IFI27L2: variants seen among roughly 807,000 people sequenced by gnomAD.
IFI27L2 encodes the protein interferon alpha-inducible protein 27-like protein 2.
A neutral mutation model predicts 7.9 loss-of-function variants in IFI27L2; 8 were observed. The observed-to-expected ratio is 1.02, with a 90% CI of 0.60 to 1.84. The LOEUF (loss-of-function observed/expected upper bound fraction) is 1.84, where lower values mean the gene tolerates loss of function less well. Ranked by LOEUF, IFI27L2 falls within the 40% of genes most tolerant of loss-of-function variation. IFI27L2 has a pLI of 0.00. For synonymous variants in IFI27L2, 56 were observed against 66.5 expected, an observed-to-expected ratio of 0.84 and a Z score of 0.77; for missense variants, 190 against 165.8, an observed-to-expected ratio of 1.15 and a Z score of -0.80.
At chr14:94,129,043 C>T (rs538799685) in intron 2 of IFI27L2, 8 of 585,204 alleles carry the variant, frequency 1.4e-5, no homozygotes, top group South Asian at 4.4e-5. Flanking sequence ...CGATCTTCCT[C>T]CTATGCTTAT....
At chr14:94,129,150 G>T in intron 2 of IFI27L2, 112 bp downstream of exon 2, 2 of 797,208 alleles carry the variant, frequency 2.5e-6, no homozygotes, top group Non-Finnish European at 4.2e-6. Context: ...TACTCGGGCA[G>T]CTTCGGAAGT....
At position 94,129,534 on chromosome 14, in the gene IFI27L2, GC is replaced by G. The variant is rs781118946; in HGVS notation, c.7+23del. The G allele has an allele frequency of 4.3e-6, 7 of 1,611,348 alleles. 1 individual carries two copies. The South Asian group carries it at 7.7e-5, about 18-fold the overall frequency. On this transcript the variant is annotated intron_variant, in intron 1 of 3. Transcript: ENST00000238609. ...AGCCTGCCCCCAGCCCAGCCCGCCA[GC>G]CCCCTGGGGAAGCAAGACTCACTCA... is the stretch of plus-strand genomic sequence containing the variant.
intron 2 of IFI27L2, 186 bp from the exon 3 acceptor site, chr14:94,128,861 A>G: frequency 1.6e-6 from 1 of 607,638 alleles, no homozygotes; most frequent in Non-Finnish European, 2.9e-6. Context: ...CAAAGATGTC[A>G]TAGAAGGACC....
Position 94,129,264 on chromosome 14 carries a change from C to G in IFI27L2, c.35G>C (p.Gly12Ala). 1.2e-6 allele frequency: 2 copies of G among 1,612,938 alleles called. No individual in the cohort carries two copies. The highest frequency in any genetic ancestry group is 1.7e-6 in the Non-Finnish European group (2 of 1,179,376). The change falls in exon 2 of 4, where the codon GGA (glycine) becomes GCA (alanine). Residue 12 changes from glycine (G) to alanine (A), a missense_variant and splice_region_variant. Gly to Ala is a moderately conservative substitution (Grantham distance 60). Coordinates refer to ENST00000238609, the MANE Select transcript of IFI27L2 (RefSeq NM_032036.3). ...GACAGGCGATCCGGGTAACTTACCT[C>G]CTCCCACTGCAGCAGCAGCTGCCCG... Reference protein sequence around the residue: ...MKRAAAAAVGGALAVGAVPVV... With the variant: ...MKRAAAAAVGAALAVGAVPVV...
At chr14:94,129,450 G>A (rs1235438942) in intron 1 of IFI27L2, 108 bp downstream of exon 1, 1 of 1,206,960 alleles carries the variant, frequency 8.3e-7, no homozygotes, top group East Asian at 2.4e-5. Flanking sequence ...TAGGTCAGCT[G>A]GTTGATGAAG....
chr14:94,129,208 G>A (rs1887640518), intron 2 of IFI27L2, 54 bp downstream of exon 2: 1 of 1,485,136 alleles, frequency 6.7e-7, no homozygotes, highest in Non-Finnish European at 9.3e-7. Context: ...TCTCCCAGCA[G>A]CCCGGGGACC....
chr14:94,128,406 C>T (rs1210861956), intron 3 of IFI27L2, 108 bp downstream of exon 3: 1 of 990,796 alleles, frequency 1.0e-6, no homozygotes, highest in Non-Finnish European at 1.6e-6. Flanking sequence ...GACTGAAGAC[C>T]CAGGAAGCTG....
intron 2 of IFI27L2, 188 bp downstream of exon 2, chr14:94,129,074 G>A (rs1190135735): frequency 1.7e-6 from 1 of 599,648 alleles, no homozygotes; most frequent in Non-Finnish European, 3.0e-6. Flanking sequence ...GACTAGAAGA[G>A]AAGCTGGGTC....
chr14:94,128,929 T>C, intron 2 of IFI27L2: 1 of 586,546 alleles, frequency 1.7e-6, no homozygotes, highest in Non-Finnish European at 3.0e-6. Flanking sequence ...GTCAATACCC[T>C]TCATTGGTCT....
Position 94,129,277 on chromosome 14 carries a change from C to T in IFI27L2, c.22G>A (p.Ala8Thr). The T allele has an allele frequency of 1.2e-6, 2 of 1,612,284 alleles. No homozygotes were observed. The highest frequency in any genetic ancestry group is 2.2e-5 in the South Asian group (2 of 90,906). The change falls in exon 2 of 4, where the codon GCT becomes ACT. Residue 8 changes from alanine to threonine, a missense_variant. Ala to Thr is a moderately conservative substitution (Grantham distance 58, BLOSUM62 0). Transcript: ENST00000238609. Reference sequence around the variant, plus strand: ...GGTAACTTACCTCCTCCCACTGCAGCAGCAGCTGCCCGTTCTAGAGAGAGA... The same window carrying T: ...GGTAACTTACCTCCTCCCACTGCAGTAGCAGCTGCCCGTTCTAGAGAGAGA... MMKRAAA[A>T]AVGGALAVGA...
At chr14:94,128,091 A>C in intron 3 of IFI27L2, 99 bp from the exon 4 acceptor site, 2 of 784,442 alleles carry the variant, frequency 2.5e-6, no homozygotes, top group Non-Finnish European at 4.2e-6. Flanking sequence ...GGGCTCTGCC[A>C]TGGGTAGAAG....
In IFI27L2 at chr14:94,127,823, G is replaced by C. The variant is rs1211979222; in HGVS notation, c.369C>G (p.Leu123=). Reference sequence around the variant, plus strand: ...TTTATTCCTCATGTTTCTCTGACTTGAGTGGGGGTTTTGGAGGTTCACCTT... The same window carrying C: ...TTTATTCCTCATGTTTCTCTGACTTCAGTGGGGGTTTTGGAGGTTCACCTT... ...VPQGEPPKPP[L]KSEKHEE is the part of the protein sequence containing the mutation. Residue 123 remains leucine (L), a synonymous_variant, in exon 4 of 4, where the codon CTC becomes CTG. Transcript: ENST00000238609. 1 of 1,614,010 alleles carries C rather than the reference G, an allele frequency of 6.2e-7. No individual in the cohort carries two copies. The highest frequency in any genetic ancestry group is 1.1e-5 in the South Asian group (1 of 91,076).
At position 94,129,435 on chromosome 14, in the gene IFI27L2, G is replaced by A. The variant is rs796363023; in HGVS notation, c.7+123C>T. Reference sequence around the variant, plus strand: ...GGAGGGAGGAAGGGAGGGAGAGGGAGTCAGTAGGTCAGCTGGTTGATGAAG... The same window carrying A: ...GGAGGGAGGAAGGGAGGGAGAGGGAATCAGTAGGTCAGCTGGTTGATGAAG... On this transcript the variant is annotated intron_variant, in intron 1 of 3. Transcript: ENST00000238609. 1.2e-5 allele frequency: 13 copies of A among 1,085,952 alleles called. No homozygotes were observed. The East Asian group carries it at 1.4e-4, about 12-fold the overall frequency. 67.3% of individuals were successfully genotyped at this position (1,085,952 alleles called of 1,614,324 possible).
intron 2 of IFI27L2, chr14:94,128,961 G>A (rs965822969): frequency 3.4e-6 from 2 of 584,014 alleles, no homozygotes; most frequent in Non-Finnish European, 6.1e-6. Flanking sequence ...GTGTGTGTGT[G>A]TGTGTGTGTG....
At chr14:94,128,280 G>A (rs912046794) in intron 3 of IFI27L2, 71 of 596,232 alleles carry the variant, frequency 1.2e-4, no homozygotes, top group Non-Finnish European at 1.8e-4. Context: ...CAGAACCCAG[G>A]CATTGCTCTT....
At position 94,129,600 on chromosome 14, in the gene IFI27L2, A is replaced by G; in HGVS notation, c.-36T>C. 1 of 1,611,230 alleles carries G rather than the reference A, an allele frequency of 6.2e-7. No individual in the cohort carries two copies. Among genetic ancestry groups the G allele is most frequent in the Non-Finnish European group, 8.5e-7 (1 of 1,177,576 alleles). ...TCCGGGTCCCAACTTGGCCCAGGAA[A>G]TGACAGCGTTCTTGGGGTGTTACTT... On this transcript the variant is annotated 5_prime_UTR_variant, in exon 1 of 4. Transcript: ENST00000238609.
chr14:94,129,330 GA>G, intron 1 of IFI27L2, 39 bp from the exon 2 acceptor site: 1 of 1,298,350 alleles, frequency 7.7e-7, no homozygotes, highest in Non-Finnish European at 1.0e-6. Flanking sequence ...AGGGAGATGG[GA>G]AAGGGGAGAA....
rs60745025 is a variant in IFI27L2, at chr14:94,128,945, T to TTGTGTG, written c.38-276_38-271dup. The TTGTGTG allele has an allele frequency of 5.4e-3, 2,857 of 532,748 alleles. 62 individuals carry two copies. The highest frequency in any genetic ancestry group is 0.047 in the African/African-American group (2,378 of 50,872). The allele number at this position is 532,748 out of a possible 1,614,324, so 33.0% of individuals were successfully genotyped here. On this transcript the variant is annotated intron_variant, in intron 2 of 3. Transcript: ENST00000238609. ...TCAATACCCTTCATTGGTCTCAAAT[T>TTGTGTG]TGTGTGTGTGTGTGTGTGTGTGTGT...
Position 94,128,540 on chromosome 14 carries a change from C to A in IFI27L2, c.173G>T (p.Ser58Ile), listed in dbSNP as rs1887626159. 1.9e-6 allele frequency: 3 copies of A among 1,614,082 alleles called. No individual in the cohort carries two copies. Among genetic ancestry groups the A allele is most frequent in the Non-Finnish European group, 2.5e-6 (3 of 1,180,044 alleles). The change falls in exon 3 of 4, where the codon AGC becomes ATC. Residue 58 changes from serine (S) to isoleucine (I), a missense_variant. Physicochemically the swap from Ser to Ile is moderately radical, Grantham distance 142 (BLOSUM62 -2). Coordinates refer to ENST00000238609, the MANE Select transcript of IFI27L2 (RefSeq NM_032036.3). The stretch of plus-strand genomic sequence containing the variant: ...CACGGACTGCAGAGTAGCCACCAGG[C>A]TCCCCGCAGAAACACCACCCCCGTT... ...IANGGGVSAG[S>I]LVATLQSVGA...
Sources: allele counts gnomAD v4.1 joint callset, GRCh38; gene constraint gnomAD v4.1.1; transcripts MANE v1.5; gene names NCBI Gene and HGNC (gene_info 2026-07-23, HGNC 2026-07-21).